SDC2: variants seen among roughly 807,000 people sequenced by gnomAD.
The protein encoded by SDC2 is syndecan 2, also known as syndecan-2.
A neutral mutation model predicts 22.2 loss-of-function variants in SDC2; 13 were observed. The ratio of observed to expected loss-of-function variants is 0.59; its 90% CI spans 0.38 to 0.93. SDC2 has a LOEUF of 0.93. SDC2 is among the 40% of genes least tolerant of loss of function. The pLI, the probability that SDC2 is intolerant of heterozygous loss-of-function variation, is 0.00. For synonymous variants in SDC2, 94 were observed against 92.8 expected, an observed-to-expected ratio of 1.01 and a Z score of -0.07; for missense variants, 235 against 246.8, an observed-to-expected ratio of 0.95 and a Z score of 0.32.
At chr8:96,505,429 G>C (rs1213178994) in intron 1 of SDC2, among the ~76,000 whole-genome samples, 1 of 151,946 alleles carries the variant, frequency 6.6e-6, no homozygotes, top group Non-Finnish European at 1.5e-5. Context: ...TCAGCCTTCT[G>C]AGTAGCTGGG....
intron 2 of SDC2, among the ~76,000 whole-genome samples, chr8:96,601,728 G>A (rs190102734): frequency 6.6e-6 from 1 of 151,842 alleles, no homozygotes; most frequent in Non-Finnish European, 1.5e-5. Flanking sequence ...CCATAGGAGA[G>A]TTTTCCTGTT....
rs755268651 is a variant in SDC2 at position 96,503,656 on chromosome 8, C to T, written c.60+9325C>T. ...GTAGTTTTATAAATGTTACCATTGGCGGAAACTAGGAAGGGGCACAAGAGA... is the reference window on the plus strand; with the variant it reads ...GTAGTTTTATAAATGTTACCATTGGTGGAAACTAGGAAGGGGCACAAGAGA... On this transcript the variant is annotated intron_variant, in intron 1 of 4. Transcript: ENST00000302190. Among the ~76,000 whole-genome samples the T allele has an allele frequency of 3.8e-4, 58 of 152,174 alleles. 1 individual carries two copies. The highest frequency in any genetic ancestry group is 5.2e-4 in the Admixed American group (8 of 15,282).
chr8:96,498,592 G>C (rs1391241740), intron 1 of SDC2, among the ~76,000 whole-genome samples: 1 of 152,016 alleles, frequency 6.6e-6, no homozygotes, highest in African/African-American at 2.4e-5. Flanking sequence ...CCAGGTTCAA[G>C]CGATTCTCCT....
rs577460698 is a variant in SDC2 at position 96,524,567 on chromosome 8, T to C, written c.60+30236T>C. On this transcript the variant is annotated intron_variant, in intron 1 of 4. Transcript: ENST00000302190. ...AGTTATGACTTCCTAAAAGTTGTTG[T>C]TGAAGGCAGCATGAGGAAATCTCCT... Among the ~76,000 whole-genome samples, 5 of 152,330 alleles carry C rather than the reference T, an allele frequency of 3.3e-5. No individual in the cohort carries two copies. In the East Asian group the frequency reaches 9.7e-4, roughly 29 times the overall value.
intron 2 of SDC2, among the ~76,000 whole-genome samples, chr8:96,601,041 A>C (rs1295782768): frequency 6.6e-6 from 1 of 152,174 alleles, no homozygotes; most frequent in Non-Finnish European, 1.5e-5. Flanking sequence ...ATAAACCAGC[A>C]AAGGAAACTT....
At chr8:96,495,258 C>T (rs917235513) in intron 1 of SDC2, among the ~76,000 whole-genome samples, 2 of 152,262 alleles carry the variant, frequency 1.3e-5, no homozygotes, top group African/African-American at 4.8e-5. Context: ...GGAGTCTCGT[C>T]TCCGGCGGAG....
chr8:96,494,268 G>A lies in SDC2; in HGVS notation c.-4G>A, dbSNP rs1034667303. 1 of 1,545,120 alleles carries A rather than the reference G, an allele frequency of 6.5e-7. No homozygotes were observed. The highest frequency in any genetic ancestry group is 2.4e-5 in the East Asian group (1 of 41,088). On this transcript the variant is annotated 5_prime_UTR_variant, in exon 1 of 5. Coordinates refer to ENST00000302190, the MANE Select transcript of SDC2 (RefSeq NM_002998.4). ...CGGCTGGGAGCAGCCGGTCCCTGGGGAATATGCGGCGCGCGTGGATCCTGC... is the reference window on the plus strand; with the variant it reads ...CGGCTGGGAGCAGCCGGTCCCTGGGAAATATGCGGCGCGCGTGGATCCTGC...
chr8:96,566,356 C>G (rs904384307), intron 1 of SDC2, among the ~76,000 whole-genome samples: 4 of 152,166 alleles, frequency 2.6e-5, no homozygotes, highest in Non-Finnish European at 5.9e-5. Flanking sequence ...TTGATTTGTC[C>G]TAATGCTATG....
intron 1 of SDC2, among the ~76,000 whole-genome samples, chr8:96,535,521 A>G (rs1260294657): frequency 6.6e-6 from 1 of 152,224 alleles, no homozygotes; most frequent in Non-Finnish European, 1.5e-5. Flanking sequence ...CTTCTCAGAT[A>G]TTTCCTAAGG....
intron 1 of SDC2, among the ~76,000 whole-genome samples, chr8:96,505,780 A>G (rs552437841): frequency 2.0e-5 from 3 of 152,214 alleles, no homozygotes; most frequent in Non-Finnish European, 4.4e-5. Flanking sequence ...TGTACTCGAT[A>G]AATCAGTTTA....
Position 96,537,747 on chromosome 8 carries a change from T to G in SDC2, c.60+43416T>G, listed in dbSNP as rs114761255. Among the ~76,000 whole-genome samples, 813 of 152,338 alleles carry G rather than the reference T, an allele frequency of 5.3e-3. 7 individuals are homozygous for G. Among genetic ancestry groups the G allele is most frequent in the African/African-American group, 0.018 (745 of 41,564 alleles). ...AGGCCCATGAATATGAAGGATAACT[T>G]AGATTTTAAAAGTTCTTTCTTCTAT... is the stretch of plus-strand genomic sequence containing the variant. On this transcript the variant is annotated intron_variant, in intron 1 of 4. Transcript: ENST00000302190.
rs1164001889 is a variant in SDC2, at chr8:96,593,554, T to G, written c.135T>G (p.Pro45=). The change falls in exon 2 of 5, where the codon CCT becomes CCG. Residue 45 remains proline, a synonymous_variant. Transcript: ENST00000302190. The part of the protein sequence containing the change: ...SSIEEASGVY[P]IDDDDYASAS... ...TTGAAGAAGCTTCAGGAGTGTATCC[T>G]ATTGATGACGATGACTACGCTTCTG... The G allele has an allele frequency of 6.2e-7, 1 of 1,614,032 alleles. No homozygotes were observed. The highest frequency in any genetic ancestry group is 1.7e-5 in the Admixed American group (1 of 60,032).
At chr8:96,581,458 C>T (rs866689495) in intron 1 of SDC2, among the ~76,000 whole-genome samples, 2 of 152,064 alleles carry the variant, frequency 1.3e-5, no homozygotes, top group Middle Eastern at 3.4e-3. Context: ...GGTGAAACCC[C>T]GTCTCTACTA....
chr8:96,609,342 C>T, intron 4 of SDC2, 43 bp from the exon 5 acceptor site: 1 of 1,526,502 alleles, frequency 6.6e-7, no homozygotes. Context: ...TGTCTGCAAC[C>T]CTTGAATCTC....
chr8:96,599,400 C>T (rs911655946), intron 2 of SDC2, among the ~76,000 whole-genome samples: 8 of 152,106 alleles, frequency 5.3e-5, no homozygotes, highest in African/African-American at 1.9e-4. Context: ...TTTTTCATTT[C>T]TCATTGAAGT....
At chr8:96,544,704 C>G (rs1387453440) in intron 1 of SDC2, among the ~76,000 whole-genome samples, 2 of 152,094 alleles carry the variant, frequency 1.3e-5, no homozygotes, top group African/African-American at 4.8e-5. Context: ...AGTGCCACAT[C>G]CCTTGGAAAC....
In SDC2 at chr8:96,521,774, A is replaced by G. The variant is rs893260631; in HGVS notation, c.60+27443A>G. ...GCTAATTTCTTGTAGGAAATAACAC[A>G]TTAAATCCAAGCGTATCACTAAAAC... On this transcript the variant is annotated intron_variant, in intron 1 of 4. Coordinates refer to ENST00000302190, the MANE Select transcript of SDC2 (RefSeq NM_002998.4). Among the ~76,000 whole-genome samples the G allele has an allele frequency of 5.3e-5, 8 of 152,216 alleles. No individual in the cohort carries two copies. In the East Asian group the frequency reaches 1.3e-3, roughly 26 times the overall value.
intron 1 of SDC2, among the ~76,000 whole-genome samples, chr8:96,576,593 G>A (rs1473506797): frequency 7.1e-6 from 1 of 140,194 alleles, no homozygotes; most frequent in East Asian, 2.0e-4. Flanking sequence ...CTAATTTTTT[G>A]TATTTTTAGT....
At chr8:96,566,233 A>G (rs1191716592) in intron 1 of SDC2, among the ~76,000 whole-genome samples, 1 of 152,224 alleles carries the variant, frequency 6.6e-6, no homozygotes, top group East Asian at 1.9e-4. Context: ...GCAGAATTTT[A>G]ATTTAAAAAT....
Sources: gnomAD v4.1 joint callset for allele counts (sites outside exome capture counted in the v4.1 genomes callset) on GRCh38, gnomAD v4.1.1 for gene constraint, MANE v1.5 for transcripts, NCBI Gene and HGNC (gene_info 2026-07-23, HGNC 2026-07-21) for gene names.